UBAP2: variants seen among roughly 807,000 people sequenced by gnomAD.
The protein encoded by UBAP2 is ubiquitin associated protein 2.
In UBAP2, 75 loss-of-function variants were observed where a neutral mutation model predicts 139.6. The ratio of observed to expected loss-of-function variants is 0.54; its 90% CI spans 0.45 to 0.65. The LOEUF is 0.65. Ranked by LOEUF, UBAP2 falls within the 30% of genes least tolerant of loss-of-function variation. UBAP2 has a pLI of 0.00. For synonymous variants in UBAP2, 526 were observed against 526.2 expected, an observed-to-expected ratio of 1.00 and a Z score of 0.01; for missense variants, 1,368 against 1,369.6, an observed-to-expected ratio of 1.00 and a Z score of 0.02.
In UBAP2 at chr9:33,923,193, A is replaced by G. The variant is rs201178650; in HGVS notation, c.2997T>C (p.Pro999=). 210 of 1,614,202 alleles carry G rather than the reference A, an allele frequency of 1.3e-4. No homozygotes were observed. In the Admixed American group the frequency reaches 1.3e-3, roughly 10 times the overall value. ...QAPNKSAGSG[P]GKGVSVSSST... is the part of the protein sequence containing the mutation. ...AGGAGAGGTAAACACTACCTTTGCC[A>G]GGCCCAGAACCTGCAGACTTGTTTG... The change falls in exon 26 of 29, where the codon CCT becomes CCC. Residue 999 remains proline, a synonymous_variant. Transcript: ENST00000379238.
chr9:33,983,967 A>G (rs1344067654), intron 6 of UBAP2, among the ~76,000 whole-genome samples: 1 of 151,732 alleles, frequency 6.6e-6, no homozygotes, highest in African/African-American at 2.4e-5. Flanking sequence ...GCTAGAGTGC[A>G]ATGGTACAAT....
At chr9:34,037,451 T>G (rs1826536838) in intron 1 of UBAP2, among the ~76,000 whole-genome samples, 1 of 152,134 alleles carries the variant, frequency 6.6e-6, no homozygotes, top group African/African-American at 2.4e-5. Context: ...CTACCTTAAG[T>G]TTTTACTAAT....
At chr9:33,924,461 G>A (rs1369841754) in intron 22 of UBAP2, among the ~76,000 whole-genome samples, 177 bp from the exon 23 acceptor site, 4 of 152,142 alleles carry the variant, frequency 2.6e-5, no homozygotes, top group African/African-American at 7.2e-5. Flanking sequence ...GCAACTAGGC[G>A]GCCTGCCTAA....
intron 4 of UBAP2, among the ~76,000 whole-genome samples, chr9:33,992,568 TAAA>T (rs1821805056): frequency 8.7e-6 from 1 of 115,550 alleles, no homozygotes; most frequent in African/African-American, 3.2e-5. Flanking sequence ...CTCAAAAAAA[TAAA>T]AATAAAAAAA....
chr9:33,927,682 C>T, intron 20 of UBAP2, 115 bp downstream of exon 20: 2 of 1,095,202 alleles, frequency 1.8e-6, no homozygotes, highest in Non-Finnish European at 2.6e-6. Flanking sequence ...GTGGAACACG[C>T]AGCGCACTCG....
intron 2 of UBAP2, among the ~76,000 whole-genome samples, chr9:34,009,665 A>G (rs62558767): frequency 0.2 from 30,250 of 151,600 alleles, 3,833 homozygotes; most frequent in East Asian, 0.59. Flanking sequence ...TCACTACGTT[A>G]CTCAGGCTGG....
Position 33,926,883 on chromosome 9 carries a change from G to A in UBAP2, c.2463+106C>T, listed in dbSNP as rs563598971. 2.9e-5 allele frequency: 34 copies of A among 1,163,486 alleles called. No individual in the cohort carries two copies. In the African/African-American group the frequency reaches 4.8e-4, roughly 17 times the overall value. The allele number at this position is 1,163,486 out of a possible 1,614,324, so 72.1% of individuals were successfully genotyped here. A position where few individuals can be genotyped will look rare whatever the true frequency, so the allele number is the denominator to read the frequency against. ...GAGACGGGGGTGCTCAGGGATGGAA[G>A]GGCAGCTCAAGGTGGGCAACCTGGG... On this transcript the variant is annotated intron_variant, in intron 21 of 28. Transcript: ENST00000379238.
chr9:33,933,250 C>T (rs1199541238), intron 18 of UBAP2, among the ~76,000 whole-genome samples: 1 of 152,138 alleles, frequency 6.6e-6, no homozygotes, highest in Non-Finnish European at 1.5e-5. Context: ...CTGGCCTCAC[C>T]CTACTCCCAG....
intron 4 of UBAP2, among the ~76,000 whole-genome samples, chr9:33,992,359 A>C (rs1821783039): frequency 1.5e-5 from 2 of 132,756 alleles, no homozygotes; most frequent in African/African-American, 5.7e-5. Context: ...ATTACTCTCC[A>C]GCCTGGTCAA....
intron 8 of UBAP2, among the ~76,000 whole-genome samples, chr9:33,968,992 T>C (rs1827685202): frequency 6.6e-6 from 1 of 152,240 alleles, no homozygotes; most frequent in Non-Finnish European, 1.5e-5. Context: ...ATCCATGTTG[T>C]AGCATGTACC....
At chr9:33,983,719 C>T (rs940459225) in intron 6 of UBAP2, among the ~76,000 whole-genome samples, 5 of 152,086 alleles carry the variant, frequency 3.3e-5, no homozygotes, top group African/African-American at 1.2e-4. Context: ...CAGAGGTGTA[C>T]GTGCCAACAC....
chr9:34,040,743 G>A (rs1278606073), intron 1 of UBAP2, among the ~76,000 whole-genome samples: 5 of 152,200 alleles, frequency 3.3e-5, no homozygotes, highest in African/African-American at 9.7e-5. Context: ...CTCAGTCTTT[G>A]AGAATGAATT....
intron 2 of UBAP2, among the ~76,000 whole-genome samples, chr9:34,013,394 A>T (rs1306505486): frequency 6.6e-6 from 1 of 151,974 alleles, no homozygotes; most frequent in Non-Finnish European, 1.5e-5. Flanking sequence ...TACCAAACAT[A>T]CAAAAAATTA....
intron 6 of UBAP2, among the ~76,000 whole-genome samples, chr9:33,983,571 T>C (rs1820950966): frequency 6.6e-6 from 1 of 152,232 alleles, no homozygotes; most frequent in East Asian, 1.9e-4. Context: ...GTTGGTCTTA[T>C]ACTGTGACCG....
rs780616533 is a variant in UBAP2, at chr9:33,948,554, C to T, written c.1090G>A (p.Ala364Thr). The T allele has an allele frequency of 1.9e-6, 3 of 1,614,162 alleles. No individual in the cohort carries two copies. The highest frequency in any genetic ancestry group is 8.5e-7 in the Non-Finnish European group (1 of 1,180,012). ...GTGATGTTTGCCATTTTTGGTGGTGCAAGCTCTCCAAATCCTGAGCCAAGG... is the reference window on the plus strand; with the variant it reads ...GTGATGTTTGCCATTTTTGGTGGTGTAAGCTCTCCAAATCCTGAGCCAAGG... ...SVLGSGFGEL[A>T]PPKMANITSS... Residue 364 changes from alanine (A) to threonine (T), a missense_variant, in exon 13 of 29, where the codon GCA becomes ACA. Ala to Thr is a moderately conservative substitution (Grantham distance 58, BLOSUM62 0). Coordinates refer to ENST00000379238, the MANE Select transcript of UBAP2 (RefSeq NM_001370062.2).
chr9:33,931,208 A>G (rs1367494167), intron 19 of UBAP2, among the ~76,000 whole-genome samples: 3 of 152,168 alleles, frequency 2.0e-5, no homozygotes, highest in Non-Finnish European at 2.9e-5. Flanking sequence ...GACTTTTCCT[A>G]TAGGTGGGTT....
chr9:34,001,042 T>C (rs1822656363), intron 2 of UBAP2, among the ~76,000 whole-genome samples: 2 of 152,000 alleles, frequency 1.3e-5, no homozygotes, highest in East Asian at 1.9e-4. Flanking sequence ...AACCAACCAA[T>C]AAGTCCCAGT....
intron 1 of UBAP2, among the ~76,000 whole-genome samples, chr9:34,039,269 A>T (rs1446204629): frequency 1.5e-5 from 2 of 137,604 alleles, no homozygotes; most frequent in Non-Finnish European, 3.1e-5. Flanking sequence ...CCCGTCCGAG[A>T]GGTGGGGGGG....
At chr9:33,952,709 A>G (rs185395897) in intron 12 of UBAP2, 2 of 154,680 alleles carry the variant, frequency 1.3e-5, no homozygotes, top group Admixed American at 6.5e-5. Flanking sequence ...GGTACTTTCA[A>G]TCTCAAGAGT....
Sources: gnomAD v4.1 joint callset for allele counts (sites outside exome capture counted in the v4.1 genomes callset) on GRCh38, gnomAD v4.1.1 for gene constraint, MANE v1.5 for transcripts, NCBI Gene and HGNC (gene_info 2026-07-23, HGNC 2026-07-21) for gene names.